MED12L: variants seen among roughly 807,000 people sequenced by gnomAD.
MED12L encodes mediator of RNA polymerase II transcription subunit 12-like protein.
MED12L carries 60 observed loss-of-function variants against 281.3 expected under a neutral mutation model. That is an observed-to-expected ratio of 0.21 (90% CI 0.17 to 0.26). The LOEUF (loss-of-function observed/expected upper bound fraction) is 0.26, where lower values mean the gene tolerates loss of function less well. Ranked by LOEUF, MED12L falls within the 10% of genes least tolerant of loss-of-function variation. MED12L has a pLI of 1.00. For synonymous variants in MED12L, 974 were observed against 987.2 expected (o/e 0.99, Z 0.25); for missense variants, 2,146 against 2,680.9 (o/e 0.80, Z 4.41).
intron 3 of MED12L, 123 bp from the exon 4 acceptor site, chr3:151,122,660 A>G (rs898325891): frequency 7.3e-6 from 5 of 685,032 alleles, no homozygotes; most frequent in Non-Finnish European, 1.1e-5. Flanking sequence ...TAAATTCCCA[A>G]TTTATTTTCT....
intron 40 of MED12L, 116 bp downstream of exon 40, chr3:151,409,448 C>T: frequency 1.2e-6 from 1 of 827,960 alleles, no homozygotes; most frequent in South Asian, 1.5e-5. Flanking sequence ...TTGATTACTT[C>T]TTCTACTTAT....
At chr3:151,431,875 C>G (rs370722562) in intron 44 of MED12L, among the ~76,000 whole-genome samples, 1 of 152,158 alleles carries the variant, frequency 6.6e-6, no homozygotes, top group African/African-American at 2.4e-5. Context: ...TATTACTGTT[C>G]CCACATTACA....
chr3:151,133,039 GA>G (rs768930997), intron 5 of MED12L, among the ~76,000 whole-genome samples: 4 of 152,180 alleles, frequency 2.6e-5, no homozygotes, highest in Non-Finnish European at 4.4e-5. Context: ...ATAGCAAAAA[GA>G]ATCATTCAGC....
intron 23 of MED12L, among the ~76,000 whole-genome samples, chr3:151,367,373 C>G (rs1755415275): frequency 6.6e-6 from 1 of 152,034 alleles, no homozygotes; most frequent in African/African-American, 2.4e-5. Flanking sequence ...TCCTGATTTT[C>G]CATTTTTGTT....
intron 16 of MED12L, among the ~76,000 whole-genome samples, chr3:151,208,223 G>A (rs1025686468): frequency 6.6e-6 from 1 of 152,210 alleles, no homozygotes; most frequent in Admixed American, 6.5e-5. Flanking sequence ...ACAAGAAAGT[G>A]AATTTGATGT....
chr3:151,301,820 C>T (rs1192285359), intron 16 of MED12L, among the ~76,000 whole-genome samples: 2 of 152,194 alleles, frequency 1.3e-5, no homozygotes, highest in Non-Finnish European at 2.9e-5. Flanking sequence ...AATTACGGTA[C>T]AGCCACTCTG....
At chr3:151,177,580 TC>T (rs1722208234) in intron 11 of MED12L, among the ~76,000 whole-genome samples, 1 of 152,182 alleles carries the variant, frequency 6.6e-6, no homozygotes, top group Non-Finnish European at 1.5e-5. Flanking sequence ...GACTTGAACT[TC>T]TAGGCTCAAG....
chr3:151,316,987 G>C (rs55755788), intron 16 of MED12L: 1 of 152,056 alleles, frequency 6.6e-6, no homozygotes, highest in Non-Finnish European at 1.5e-5. Flanking sequence ...CTTAAGGAGT[G>C]GGGGATGAAG....
intron 16 of MED12L, among the ~76,000 whole-genome samples, chr3:151,342,027 G>A (rs554524144): frequency 6.6e-5 from 10 of 152,140 alleles, no homozygotes; most frequent in South Asian, 2.1e-4. Flanking sequence ...GAATAGTGCC[G>A]CAATAAACAT....
At chr3:151,423,642 G>GA (rs201418093) in intron 43 of MED12L, among the ~76,000 whole-genome samples, 4,418 of 152,250 alleles carry the variant, frequency 0.029, 83 homozygotes, top group Middle Eastern at 0.088. Context: ...TTCTTGACTA[G>GA]AAAAATATTT....
At chr3:151,282,349 T>G (rs560307221) in intron 16 of MED12L, among the ~76,000 whole-genome samples, 6 of 130,964 alleles carry the variant, frequency 4.6e-5, no homozygotes, top group South Asian at 5.0e-4. Context: ...TATAATTTAG[T>G]TTTTTTTTGT....
intron 12 of MED12L, among the ~76,000 whole-genome samples, chr3:151,187,235 A>G (rs749151398): frequency 2.0e-5 from 3 of 152,226 alleles, no homozygotes; most frequent in Non-Finnish European, 2.9e-5. Flanking sequence ...TGCAGTCCAT[A>G]AACTTCAGCA....
At chr3:151,153,309 C>T (rs1718810034) in intron 5 of MED12L, among the ~76,000 whole-genome samples, 1 of 152,162 alleles carries the variant, frequency 6.6e-6, no homozygotes, top group African/African-American at 2.4e-5. Context: ...TCATTCTTTT[C>T]AATCCTGACC....
At chr3:151,188,505 C>G in intron 13 of MED12L, 25 bp downstream of exon 13, 1 of 1,562,006 alleles carries the variant, frequency 6.4e-7, no homozygotes, top group Non-Finnish European at 8.6e-7. Flanking sequence ...CTCTTTGCCT[C>G]TAGATCTTAA....
chr3:151,309,135 A>ACG (rs1747117249), intron 16 of MED12L, among the ~76,000 whole-genome samples: 1 of 129,462 alleles, frequency 7.7e-6, no homozygotes, highest in East Asian at 2.4e-4. Flanking sequence ...ACACACACAC[A>ACG]CACACGCACA....
At chr3:151,259,217 CTG>C (rs1738411597) in intron 16 of MED12L, among the ~76,000 whole-genome samples, 1 of 152,222 alleles carries the variant, frequency 6.6e-6, no homozygotes, top group Non-Finnish European at 1.5e-5. Context: ...ACACAACTCT[CTG>C]AGAACAATGG....
intron 16 of MED12L, among the ~76,000 whole-genome samples, chr3:151,320,038 G>A (rs1341979258): frequency 1.3e-5 from 2 of 152,160 alleles, no homozygotes; most frequent in East Asian, 3.9e-4. Context: ...GAGACATTGA[G>A]CAAATGTATT....
At chr3:151,187,780 AT>A (rs1451724454) in intron 12 of MED12L, among the ~76,000 whole-genome samples, 2 of 152,356 alleles carry the variant, frequency 1.3e-5, no homozygotes, top group East Asian at 3.9e-4. Context: ...TAGCCTTCTC[AT>A]TTGATACCAT....
chr3:151,102,426 C>T (rs1721500521), intron 2 of MED12L, among the ~76,000 whole-genome samples: 1 of 152,102 alleles, frequency 6.6e-6, no homozygotes, highest in Admixed American at 6.5e-5. Flanking sequence ...ATACGTTTAG[C>T]CCGTTTCTGA....
Sources: allele counts gnomAD v4.1 joint callset (sites outside exome capture counted in the v4.1 genomes callset), GRCh38; gene constraint gnomAD v4.1.1; transcripts MANE v1.5; gene names NCBI Gene and HGNC (gene_info 2026-07-23, HGNC 2026-07-21).